Variants in LYPLA1 observed in about 807,000 individuals in gnomAD.
The protein encoded by LYPLA1 is lysophospholipase 1, also known as acyl-protein thioesterase 1.
A neutral mutation model predicts 34.0 loss-of-function variants in LYPLA1; 17 were observed. The observed-to-expected ratio is 0.50, with a 90% CI of 0.34 to 0.75. The LOEUF (loss-of-function observed/expected upper bound fraction) is 0.75, where lower values mean the gene tolerates loss of function less well. Ranked by LOEUF, LYPLA1 falls within the 30% of genes least tolerant of loss-of-function variation. The pLI is 0.01. For synonymous variants in LYPLA1, 98 were observed against 100.8 expected (o/e 0.97, Z 0.17); for missense variants, 203 against 288.8 (o/e 0.70, Z 2.15).
chr8:54,086,578 A>T (rs1019895270), intron 2 of LYPLA1, among the ~76,000 whole-genome samples: 1 of 139,428 alleles, frequency 7.2e-6, no homozygotes, highest in Non-Finnish European at 1.5e-5. Flanking sequence ...AAAAAAAAAA[A>T]GACAGCCAGG....
intron 2 of LYPLA1, among the ~76,000 whole-genome samples, chr8:54,068,341 G>C (rs550081094): frequency 6.6e-6 from 1 of 152,194 alleles, no homozygotes; most frequent in African/African-American, 2.4e-5. Flanking sequence ...AATACCACCT[G>C]ACTTTGCACA....
intron 2 of LYPLA1, among the ~76,000 whole-genome samples, chr8:54,072,409 T>C (rs970388797): frequency 6.6e-6 from 1 of 152,078 alleles, no homozygotes; most frequent in Non-Finnish European, 1.5e-5. Flanking sequence ...ACTAAGGAGC[T>C]ATTGCACAGC....
chr8:54,086,739 T>C (rs1808819046), intron 2 of LYPLA1, among the ~76,000 whole-genome samples: 3 of 151,960 alleles, frequency 2.0e-5, no homozygotes, highest in Admixed American at 2.0e-4. Flanking sequence ...GGTGTGCACC[T>C]GTGGTCCCAG....
intron 2 of LYPLA1, among the ~76,000 whole-genome samples, chr8:54,070,048 T>C (rs1348634703): frequency 6.6e-6 from 1 of 152,194 alleles, no homozygotes; most frequent in Non-Finnish European, 1.5e-5. Flanking sequence ...TTGGTAGAAA[T>C]GTAAATGGTG....
At chr8:54,052,951 TAC>T (rs1486951465) in intron 6 of LYPLA1, 195 bp from the exon 7 acceptor site, 10 of 502,412 alleles carry the variant, frequency 2.0e-5, no homozygotes, top group Non-Finnish European at 3.2e-5. Context: ...CCAGAGAACA[TAC>T]AGACTTCCTT....
chr8:54,083,773 G>T (rs1426310149), intron 2 of LYPLA1, among the ~76,000 whole-genome samples: 3 of 152,144 alleles, frequency 2.0e-5, no homozygotes, highest in Middle Eastern at 3.2e-3. Context: ...ACGCAGCAGC[G>T]AAAATGCATA....
intron 2 of LYPLA1, among the ~76,000 whole-genome samples, chr8:54,094,288 C>G (rs933914736): frequency 1.3e-5 from 2 of 152,146 alleles, no homozygotes; most frequent in Non-Finnish European, 2.9e-5. Context: ...CAGGCCTTTC[C>G]TCCTCCTCGT....
Position 54,050,994 on chromosome 8 carries a change from C to T in LYPLA1, c.639+18G>A. On this transcript the variant is annotated intron_variant, in intron 8 of 8. Coordinates refer to ENST00000316963, the MANE Select transcript of LYPLA1 (RefSeq NM_006330.4). ...AAAGTTACAAATATGGCGCTGATCACTGCTTCTAGACACCTACCTGTTGAC... is the reference window on the plus strand; with the variant it reads ...AAAGTTACAAATATGGCGCTGATCATTGCTTCTAGACACCTACCTGTTGAC... The T allele has an allele frequency of 6.4e-7, 1 of 1,573,264 alleles. No homozygotes were observed. Among genetic ancestry groups the T allele is most frequent in the Non-Finnish European group, 8.7e-7 (1 of 1,153,450 alleles).
chr8:54,094,050 T>C (rs1248690801), intron 2 of LYPLA1, among the ~76,000 whole-genome samples: 2 of 152,346 alleles, frequency 1.3e-5, no homozygotes, highest in East Asian at 1.9e-4. Context: ...ACAAAACATA[T>C]CCATGTTGCC....
At chr8:54,090,796 C>G (rs1260704100) in intron 2 of LYPLA1, among the ~76,000 whole-genome samples, 1 of 152,146 alleles carries the variant, frequency 6.6e-6, no homozygotes, top group Non-Finnish European at 1.5e-5. Context: ...AGGGTGGGAC[C>G]AGGTAGAGAT....
At chr8:54,069,580 G>A (rs1011412855) in intron 2 of LYPLA1, among the ~76,000 whole-genome samples, 14 of 151,948 alleles carry the variant, frequency 9.2e-5, no homozygotes, top group African/African-American at 2.9e-4. Context: ...TGGGCGTGGT[G>A]CGCACCTGTA....
At chr8:54,086,577 AAGAC>A (rs1418258349) in intron 2 of LYPLA1, among the ~76,000 whole-genome samples, 4 of 141,842 alleles carry the variant, frequency 2.8e-5, no homozygotes, top group Non-Finnish European at 4.6e-5. Context: ...AAAAAAAAAA[AAGAC>A]AGCCAGGTGT....
At position 54,054,262 on chromosome 8, in the gene LYPLA1, C is replaced by T. The variant is rs376535793; in HGVS notation, c.360+798G>A. On this transcript the variant is annotated intron_variant, in intron 6 of 8. Coordinates refer to ENST00000316963, the MANE Select transcript of LYPLA1 (RefSeq NM_006330.4). ...CCTCCCAAAGTGCTGGGATTACAGGCGTGAGCCACCGTGCCTGGCCTGGAT... is the reference window on the plus strand; with the variant it reads ...CCTCCCAAAGTGCTGGGATTACAGGTGTGAGCCACCGTGCCTGGCCTGGAT... Among the ~76,000 whole-genome samples the T allele has an allele frequency of 6.6e-5, 10 of 152,026 alleles. No homozygotes were observed. In the East Asian group the frequency reaches 1.4e-3, roughly 21 times the overall value.
intron 2 of LYPLA1, among the ~76,000 whole-genome samples, chr8:54,092,254 A>C (rs1809345160): frequency 6.7e-6 from 1 of 150,248 alleles, no homozygotes; most frequent in African/African-American, 2.5e-5. Flanking sequence ...AAGGAAGAGA[A>C]GGAGAAGGAG....
intron 2 of LYPLA1, among the ~76,000 whole-genome samples, chr8:54,091,604 G>A (rs1809286727): frequency 1.3e-5 from 2 of 150,270 alleles, no homozygotes; most frequent in African/African-American, 2.5e-5. Context: ...AAGGAAGGAA[G>A]GAAGGAAGGA....
chr8:54,078,625 T>C (rs144200688), intron 2 of LYPLA1, among the ~76,000 whole-genome samples: 2 of 152,334 alleles, frequency 1.3e-5, no homozygotes, highest in African/African-American at 2.4e-5. Flanking sequence ...TGGCCTTTTC[T>C]GGGCTACCTG....
chr8:54,074,521 C>CA (rs1240315891), intron 2 of LYPLA1, among the ~76,000 whole-genome samples: 3 of 152,236 alleles, frequency 2.0e-5, no homozygotes, highest in Non-Finnish European at 2.9e-5. Context: ...CATTAGGGCT[C>CA]ATACACCTTT....
rs1810179238 is a variant in LYPLA1, at chr8:54,101,753, A to G, written c.69+2T>C. ...CTCCGAGCCCACGCCTACGCCACTC[A>G]CCGCAGCGGTGGCCTTCCGGGCGGC... is the stretch of plus-strand genomic sequence containing the variant. On this transcript the variant is annotated splice_donor_variant, in intron 1 of 8. Coordinates refer to ENST00000316963, the MANE Select transcript of LYPLA1 (RefSeq NM_006330.4). LOFTEE classifies it high-confidence loss of function. The G allele has an allele frequency of 1.5e-6, 2 of 1,301,192 alleles. No individual in the cohort carries two copies. The highest frequency in any genetic ancestry group is 3.1e-5 in the African/African-American group (2 of 65,300). 80.6% of individuals were successfully genotyped at this position (1,301,192 alleles called of 1,614,324 possible).
intron 2 of LYPLA1, among the ~76,000 whole-genome samples, chr8:54,089,497 G>GT (rs1355571462): frequency 6.9e-6 from 1 of 145,168 alleles, no homozygotes; most frequent in Non-Finnish European, 1.5e-5. Context: ...ATCCCTGGGG[G>GT]GGGGCGGGAT....
Sources: allele counts gnomAD v4.1 joint callset (sites outside exome capture counted in the v4.1 genomes callset), GRCh38; gene constraint gnomAD v4.1.1; transcripts MANE v1.5; gene names NCBI Gene and HGNC (gene_info 2026-07-23, HGNC 2026-07-21).